KCNE1: variants seen among roughly 807,000 people sequenced by gnomAD.
KCNE1 encodes the protein potassium voltage-gated channel subfamily E regulatory subunit 1.
KCNE1 carries 1 observed loss-of-function variant against 2.9 expected under a neutral mutation model. That is an observed-to-expected ratio of 0.34 (90% CI 0.12 to 1.62). KCNE1 has a LOEUF of 1.62. Ranked by LOEUF, KCNE1 falls within the 40% of genes most tolerant of loss-of-function variation. The pLI is 0.36. For missense variants in KCNE1, 45 were observed against 150.5 expected (o/e 0.30, Z 3.67); for synonymous variants, 23 against 65.4 (o/e 0.35, Z 3.13).
chr21:34,505,446 C>CT (rs376734609), intron 2 of KCNE1, among the ~76,000 whole-genome samples: 104 of 145,706 alleles, frequency 7.1e-4, no homozygotes, highest in Non-Finnish European at 7.1e-4. Context: ...CCTTGATCAC[C>CT]TTTTTTTTTT....
At chr21:34,502,635 C>T (rs1183361179) in intron 2 of KCNE1, among the ~76,000 whole-genome samples, 1 of 152,220 alleles carries the variant, frequency 6.6e-6, no homozygotes, top group Non-Finnish European at 1.5e-5. Flanking sequence ...TGCACTCACT[C>T]ACCTGACTCC....
At chr21:34,502,244 C>T (rs1983211998) in intron 2 of KCNE1, among the ~76,000 whole-genome samples, 2 of 152,180 alleles carry the variant, frequency 1.3e-5, no homozygotes, top group Non-Finnish European at 2.9e-5. Flanking sequence ...GGTTCCTAAT[C>T]CAGTCCTGAC....
chr21:34,500,034 G>GA (rs1380141715), intron 2 of KCNE1, among the ~76,000 whole-genome samples: 1 of 152,038 alleles, frequency 6.6e-6, no homozygotes, highest in East Asian at 1.9e-4. Context: ...GGTTGGTCTT[G>GA]AACTCCTGGG....
intron 2 of KCNE1, among the ~76,000 whole-genome samples, chr21:34,504,020 T>C (rs2123520030): frequency 6.6e-6 from 1 of 152,312 alleles, no homozygotes; most frequent in African/African-American, 2.4e-5. Flanking sequence ...CACACAGATG[T>C]GAGAAGATGG....
chr21:34,498,767 T>C (rs936318081), intron 2 of KCNE1, among the ~76,000 whole-genome samples: 2 of 152,240 alleles, frequency 1.3e-5, no homozygotes, highest in Non-Finnish European at 2.9e-5. Flanking sequence ...GCTGTTGTTT[T>C]CTCTTTCCTT....
intron 2 of KCNE1, among the ~76,000 whole-genome samples, chr21:34,496,838 G>C (rs949227578): frequency 6.6e-6 from 1 of 152,134 alleles, no homozygotes; most frequent in South Asian, 2.1e-4. Flanking sequence ...AAATTTGAGA[G>C]CTCCAGTGTT....
At chr21:34,498,214 T>C (rs186058662) in intron 2 of KCNE1, among the ~76,000 whole-genome samples, 1 of 152,378 alleles carries the variant, frequency 6.6e-6, no homozygotes, top group African/African-American at 2.4e-5. Context: ...TTTGGATGCA[T>C]TGCTGGGAAG....
chr21:34,499,595 C>T (rs555681443), intron 2 of KCNE1, among the ~76,000 whole-genome samples: 1 of 152,216 alleles, frequency 6.6e-6, no homozygotes, highest in East Asian at 1.9e-4. Flanking sequence ...GGAATGTCTA[C>T]AAGGCTCTTC....
intron 2 of KCNE1, among the ~76,000 whole-genome samples, chr21:34,503,761 A>G (rs1164365090): frequency 1.3e-5 from 2 of 152,228 alleles, no homozygotes; most frequent in Non-Finnish European, 2.9e-5. Flanking sequence ...GTTTCTCATC[A>G]TTCAAAGTTT....
intron 2 of KCNE1, among the ~76,000 whole-genome samples, chr21:34,501,571 A>T (rs1434894373): frequency 2.0e-5 from 3 of 152,296 alleles, no homozygotes; most frequent in African/African-American, 7.2e-5. Flanking sequence ...ACCTAGAAAT[A>T]GATTTGCAGG....
At chr21:34,501,448 C>T (rs1182933203) in intron 2 of KCNE1, among the ~76,000 whole-genome samples, 1 of 152,126 alleles carries the variant, frequency 6.6e-6, no homozygotes, top group Admixed American at 6.5e-5. Flanking sequence ...GGACAGTGAC[C>T]CATCAGTCTG....
intron 2 of KCNE1, among the ~76,000 whole-genome samples, chr21:34,506,223 C>T (rs770789005): frequency 5.9e-5 from 9 of 152,186 alleles, no homozygotes; most frequent in Non-Finnish European, 1.0e-4. Flanking sequence ...ACAGATCCCA[C>T]GGGGACAAGC....
At chr21:34,511,500 C>T (rs1218235756) in intron 1 of KCNE1, among the ~76,000 whole-genome samples, 185 bp from the exon 2 acceptor site, 1 of 142,516 alleles carries the variant, frequency 7.0e-6, no homozygotes, top group East Asian at 2.4e-4. Context: ...TGATACCTTC[C>T]ACCATGTCAT....
intron 2 of KCNE1, among the ~76,000 whole-genome samples, chr21:34,506,466 C>T (rs1035394541): frequency 2.6e-5 from 4 of 152,118 alleles, no homozygotes; most frequent in Non-Finnish European, 5.9e-5. Flanking sequence ...ATTGTCTCCA[C>T]CAAGAAAAGA....
Position 34,449,741 on chromosome 21 carries a change from G to A in KCNE1, c.-50-57C>T, listed in dbSNP as rs74448880. 7.2e-4 allele frequency: 360 copies of A among 497,866 alleles called. 2 individuals carry two copies. In the African/African-American group the frequency reaches 7.7e-3, roughly 11 times the overall value. 30.8% of individuals were successfully genotyped at this position (497,866 alleles called of 1,614,324 possible). A position where few individuals can be genotyped will look rare whatever the true frequency, so the allele number is the denominator to read the frequency against. ...AGTACGTATTGGCCAAAACCCACAC[G>A]TACGCACACACACGTATACAATTTT... On this transcript the variant is annotated intron_variant, in intron 3 of 3. Transcript: ENST00000399286.
intron 2 of KCNE1, among the ~76,000 whole-genome samples, chr21:34,495,735 G>C (rs553854872): frequency 6.6e-6 from 1 of 151,898 alleles, no homozygotes; most frequent in African/African-American, 2.4e-5. Flanking sequence ...CTTCTGTTTT[G>C]TTTCTAATTG....
chr21:34,506,210 C>T (rs1205992766), intron 2 of KCNE1, among the ~76,000 whole-genome samples: 1 of 152,184 alleles, frequency 6.6e-6, no homozygotes, highest in Non-Finnish European at 1.5e-5. Flanking sequence ...CAAGTTGGGC[C>T]CTACAGATCC....
Position 34,506,042 on chromosome 21 carries a change from G to A in KCNE1, c.-162+5059C>T, listed in dbSNP as rs563779689. On this transcript the variant is annotated intron_variant, in intron 2 of 3. Transcript: ENST00000399286. The stretch of plus-strand genomic sequence containing the variant: ...CTACTGTCAGGTGACTTGTAAAAGC[G>A]CTTGTATGTTAAATGCTCTACATTA... Among the ~76,000 whole-genome samples, 89 of 152,306 alleles carry A rather than the reference G, an allele frequency of 5.8e-4. 1 individual carries two copies. The South Asian group carries it at 0.017, about 29-fold the overall frequency.
chr21:34,495,916 C>A (rs2123500748), intron 2 of KCNE1, among the ~76,000 whole-genome samples: 1 of 151,996 alleles, frequency 6.6e-6, no homozygotes, highest in East Asian at 1.9e-4. Flanking sequence ...TTTTCTTCTG[C>A]TGGGTTTGAG....
Sources: allele counts gnomAD v4.1 joint callset (sites outside exome capture counted in the v4.1 genomes callset), GRCh38; gene constraint gnomAD v4.1.1; transcripts MANE v1.5; gene names NCBI Gene and HGNC (gene_info 2026-07-23, HGNC 2026-07-21).